ZNF423: variants seen among roughly 807,000 people sequenced by gnomAD.
ZNF423 encodes the protein Ebf-associated zinc finger protein.
Under a neutral mutation model 95.8 loss-of-function variants are expected in ZNF423, and 12 were observed. The ratio of observed to expected loss-of-function variants is 0.13; its 90% CI spans 0.08 to 0.20. The LOEUF is 0.20. Among genes scored for constraint, ZNF423 ranks in the 10% least tolerant of loss-of-function variants. ZNF423 has a pLI of 1.00. For synonymous variants in ZNF423, 749 were observed against 711.9 expected, an observed-to-expected ratio of 1.05 and a Z score of -0.83; for missense variants, 1,316 against 1,737.1, an observed-to-expected ratio of 0.76 and a Z score of 4.31.
At chr16:49,851,772 T>G (rs1567372078) in intron 1 of ZNF423, among the ~76,000 whole-genome samples, 4 of 152,222 alleles carry the variant, frequency 2.6e-5, no homozygotes, top group African/African-American at 9.7e-5. Flanking sequence ...TTTTATTGCT[T>G]ATTAAGTTTT....
rs527311653 is a variant in ZNF423 at position 49,731,395 on chromosome 16, C to T, written c.101-424G>A. 20 of 985,410 alleles carry T rather than the reference C, an allele frequency of 2.0e-5. No homozygotes were observed. The South Asian group carries it at 7.0e-4, about 35-fold the overall frequency. The allele number at this position is 985,410 out of a possible 1,614,324, so 61.0% of individuals were successfully genotyped here. On this transcript the variant is annotated intron_variant, in intron 2 of 7. Transcript: ENST00000563137. ...AGCTGGGAGATCTCTTAGCCAAGTT[C>T]GCCTTCCACACAACAGGCCTCCCAG...
At chr16:49,760,310 G>T in intron 2 of ZNF423, among the ~76,000 whole-genome samples, 1 of 144,582 alleles carries the variant, frequency 6.9e-6, no homozygotes, top group East Asian at 2.1e-4. Context: ...TGGATGGGTG[G>T]ATGGGTGGGT....
upstream of ZNF423, among the ~76,000 whole-genome samples, chr16:49,859,143 G>A (rs957874726): frequency 6.6e-6 from 1 of 152,166 alleles, no homozygotes; most frequent in Non-Finnish European, 1.5e-5. Context: ...GCCGTCGGGG[G>A]AGAGGGGTGG....
At chr16:49,805,528 C>T (rs890415854) in intron 1 of ZNF423, among the ~76,000 whole-genome samples, 1 of 152,226 alleles carries the variant, frequency 6.6e-6, no homozygotes, top group Non-Finnish European at 1.5e-5. Context: ...CTGCCTCTCT[C>T]GGCCCCTTCA....
intron 5 of ZNF423, among the ~76,000 whole-genome samples, chr16:49,612,133 T>C (rs1971742426): frequency 6.6e-6 from 1 of 152,050 alleles, no homozygotes; most frequent in South Asian, 2.1e-4. Flanking sequence ...CCAGTTTATT[T>C]CAGTAAATTA....
chr16:49,642,093 T>G (rs1972992560), intron 3 of ZNF423, among the ~76,000 whole-genome samples: 2 of 152,242 alleles, frequency 1.3e-5, no homozygotes, highest in South Asian at 4.1e-4. Flanking sequence ...CTAACAATAT[T>G]AACAGCTCCA....
chr16:49,525,427 A>G lies in ZNF423; in HGVS notation c.3669T>C (p.Cys1223=). 1 of 1,614,080 alleles carries G rather than the reference A, an allele frequency of 6.2e-7. No homozygotes were observed. Among genetic ancestry groups the G allele is most frequent in the East Asian group, 2.2e-5 (1 of 44,880 alleles). The change falls in exon 6 of 8, where the codon TGT becomes TGC. Residue 1223 remains cysteine (C), a synonymous_variant. Transcript: ENST00000563137. ...CCTCGAAGCTGTGCTCAATGAGGTG[A>G]CAGAGGAGCTTGGCCGGGGAGTCGA... ...QMFDSPAKLL[C]HLIEHSFEGM... is the part of the protein sequence containing the mutation.
At chr16:49,769,568 C>T (rs1351534916) in intron 2 of ZNF423, among the ~76,000 whole-genome samples, 1 of 152,076 alleles carries the variant, frequency 6.6e-6, no homozygotes, top group African/African-American at 2.4e-5. Context: ...CGCCACTGCC[C>T]TGTGCAAAGC....
At position 49,638,308 on chromosome 16, in the gene ZNF423, C is replaced by T. The variant is rs376939875; in HGVS notation, c.868G>A (p.Val290Met). ...GACAGCTGCGGGTGGCGGGTGAGCA[C>T]GTGCTTCTCCAGCTCCTCCGTCTGG... ...FSQTEELEKH[V>M]LTRHPQLSEK... The change falls in exon 4 of 8, where the codon GTG becomes ATG. Residue 290 changes from valine to methionine, a missense_variant. Physicochemically the swap from Val to Met is conservative, Grantham distance 21. Coordinates refer to ENST00000563137, the MANE Select transcript of ZNF423 (RefSeq NM_001379286.1). This position sits in a 1 kb window ranked among gnomAD's most constrained non-coding sequence, Gnocchi z 5.6. 6.2e-6 allele frequency: 10 copies of T among 1,613,814 alleles called. No homozygotes were observed. The highest frequency in any genetic ancestry group is 4.0e-5 in the African/African-American group (3 of 74,930).
intron 2 of ZNF423, among the ~76,000 whole-genome samples, chr16:49,779,412 T>C (rs1397635313): frequency 6.6e-6 from 1 of 152,062 alleles, no homozygotes; most frequent in Non-Finnish European, 1.5e-5. Flanking sequence ...ACACAGTCTA[T>C]GGACCAGCAG....
chr16:49,545,861 C>T (rs1969420506), intron 5 of ZNF423, among the ~76,000 whole-genome samples: 1 of 152,182 alleles, frequency 6.6e-6, no homozygotes. Context: ...CTGGGATGGG[C>T]TCATAAAATC....
At chr16:49,728,155 C>T (rs114558720) in intron 3 of ZNF423, among the ~76,000 whole-genome samples, 3,310 of 152,218 alleles carry the variant, frequency 0.022, 47 homozygotes, top group African/African-American at 0.038. Context: ...TCGAAAACCA[C>T]TGCACAATGG....
intron 3 of ZNF423, among the ~76,000 whole-genome samples, chr16:49,728,380 T>A (rs1239637657): frequency 6.6e-6 from 1 of 152,168 alleles, no homozygotes; most frequent in Non-Finnish European, 1.5e-5. Flanking sequence ...TTTCCCTCAT[T>A]CTTTCAAGGA....
chr16:49,552,034 T>C (rs1284853799), intron 5 of ZNF423, among the ~76,000 whole-genome samples: 2 of 152,252 alleles, frequency 1.3e-5, no homozygotes, highest in Non-Finnish European at 2.9e-5. Context: ...TATTAAAATA[T>C]GGGCTTTTGG....
At chr16:49,517,591 AT>A (rs1968201138) in intron 7 of ZNF423, among the ~76,000 whole-genome samples, 1 of 151,770 alleles carries the variant, frequency 6.6e-6, no homozygotes, top group Non-Finnish European at 1.5e-5. Context: ...AGTCTCCCCT[AT>A]TTCTTTTTCT....
chr16:49,563,680 G>A (rs759360511), intron 5 of ZNF423, among the ~76,000 whole-genome samples: 3 of 152,122 alleles, frequency 2.0e-5, no homozygotes, highest in Non-Finnish European at 2.9e-5. Context: ...TAGGCCTGTC[G>A]GCACCATCCC....
Position 49,630,568 on chromosome 16 carries a change from G to A in ZNF423, c.3517-4314C>T, listed in dbSNP as rs151005502. Among the ~76,000 whole-genome samples the A allele has an allele frequency of 7.0e-3, 1,070 of 152,204 alleles. 14 individuals carry two copies. The highest frequency in any genetic ancestry group is 0.024 in the African/African-American group (976 of 41,528). On this transcript the variant is annotated intron_variant, in intron 4 of 7. Coordinates refer to ENST00000563137, the MANE Select transcript of ZNF423 (RefSeq NM_001379286.1). ...GGTACCAACCAGCAGCAATGGCTGC[G>A]GGCAGATGACCACGTCCCCCCTCCA... is the stretch of plus-strand genomic sequence containing the variant.
chr16:49,612,705 A>G (rs181942098), intron 5 of ZNF423, among the ~76,000 whole-genome samples: 1 of 152,280 alleles, frequency 6.6e-6, no homozygotes, highest in Non-Finnish European at 1.5e-5. Context: ...AAAGGAAATA[A>G]AAGGCATACA....
In ZNF423 at chr16:49,560,231, A is replaced by G. The variant is rs556745953; in HGVS notation, c.3602-34737T>C. Among the ~76,000 whole-genome samples the G allele has an allele frequency of 2.6e-5, 4 of 152,256 alleles. No homozygotes were observed. In the East Asian group the frequency reaches 5.8e-4, roughly 22 times the overall value. On this transcript the variant is annotated intron_variant, in intron 5 of 7. Coordinates refer to ENST00000563137, the MANE Select transcript of ZNF423 (RefSeq NM_001379286.1). ...CTCCTTCCCACCCCCAGAGTCCCCA[A>G]ATAGGCAGGAGCTCTGAGCATTTTA... is the stretch of plus-strand genomic sequence containing the variant.
Sources: gnomAD v4.1 joint callset for allele counts (sites outside exome capture counted in the v4.1 genomes callset) on GRCh38, gnomAD v4.1.1 for gene constraint, Gnocchi (gnomAD v3.1) non-coding constraint, MANE v1.5 for transcripts, NCBI Gene and HGNC (gene_info 2026-07-23, HGNC 2026-07-21) for gene names.